Variants in AKAP1 observed in about 807,000 individuals in gnomAD.
The protein encoded by AKAP1 is A-kinase anchor protein 1, mitochondrial.
Under a neutral mutation model 79.8 loss-of-function variants are expected in AKAP1, and 32 were observed. That is an observed-to-expected ratio of 0.40 (90% confidence interval 0.30 to 0.54). The LOEUF (loss-of-function observed/expected upper bound fraction) is 0.54, where lower values mean the gene tolerates loss of function less well. Among genes scored for constraint, AKAP1 ranks in the 20% least tolerant of loss-of-function variants. The probability of loss-of-function intolerance (pLI) is 0.47; values close to 1 mark genes in which losing one functional copy is unlikely to be tolerated. For synonymous variants in AKAP1, 416 were observed against 466.7 expected, an observed-to-expected ratio of 0.89 and a Z score of 1.40; for missense variants, 961 against 1,138.9, an observed-to-expected ratio of 0.84 and a Z score of 2.25.
At chr17:57,102,908 C>T (rs1307603660) in intron 1 of AKAP1, among the ~76,000 whole-genome samples, 3 of 152,086 alleles carry the variant, frequency 2.0e-5, no homozygotes, top group Non-Finnish European at 4.4e-5. Flanking sequence ...GGCGAAACCC[C>T]GTCTCTACCA....
At position 57,086,467 on chromosome 17, in the gene AKAP1, T is replaced by A. The variant is rs10445348; in HGVS notation, c.-25+1069T>A. On this transcript the variant is annotated intron_variant, in intron 1 of 10. Coordinates refer to ENST00000337714, the MANE Select transcript of AKAP1 (RefSeq NM_003488.4). The surrounding 1 kb of genome is among the most constrained non-coding windows in gnomAD (Gnocchi z 5.1). ...CCCTGGGCGTTTCGGGATCTTCCTC[T>A]CCTGGGGGATGTCCTGGGTGGCGGC... is the stretch of plus-strand genomic sequence containing the variant. 0.029 allele frequency: 13,233 copies of A among 455,992 alleles called. 252 individuals carry two copies. Among genetic ancestry groups the A allele is most frequent in the Middle Eastern group, 0.056 (171 of 3,064 alleles). 28.2% of individuals were successfully genotyped at this position (455,992 alleles called of 1,614,324 possible).
intron 1 of AKAP1, chr17:57,093,749 C>T (rs1913920328): frequency 6.6e-6 from 1 of 152,100 alleles, no homozygotes; most frequent in African/African-American, 2.4e-5. Flanking sequence ...CTTGAAAGGA[C>T]AGTCCTTTGC....
intron 1 of AKAP1, among the ~76,000 whole-genome samples, chr17:57,088,936 G>A (rs1167815469): frequency 6.6e-6 from 1 of 152,184 alleles, no homozygotes; most frequent in African/African-American, 2.4e-5. Flanking sequence ...CTAAGGCCCA[G>A]TTGCACTTGG....
At position 57,116,323 on chromosome 17, in the gene AKAP1, G is replaced by A. The variant is rs887128767; in HGVS notation, c.2432+62G>A. 32 of 1,598,618 alleles carry A rather than the reference G, an allele frequency of 2.0e-5. No homozygotes were observed. The Admixed American group carries it at 2.3e-4, about 12-fold the overall frequency. Reference sequence around the variant, plus strand: ...TTGTTCTGGGATGCGTGATCTCTGCGTGGCTGGCTCAGTTGTGCCAGGGCT... The same window carrying A: ...TTGTTCTGGGATGCGTGATCTCTGCATGGCTGGCTCAGTTGTGCCAGGGCT... On this transcript the variant is annotated intron_variant, in intron 7 of 10. Coordinates refer to ENST00000337714, the MANE Select transcript of AKAP1 (RefSeq NM_003488.4).
At position 57,105,580 on chromosome 17, in the gene AKAP1, A is replaced by C. The variant is rs1348736428; in HGVS notation, c.116A>C (p.Gln39Pro). The C allele has an allele frequency of 1.2e-6, 2 of 1,614,018 alleles. No individual in the cohort carries two copies. The highest frequency in any genetic ancestry group is 1.7e-6 in the Non-Finnish European group (2 of 1,180,030). ...GGCCATGTCAGCAGCCATGATGAGCAGCAGGTGGAGGCTGGTGCTGTGCAG... is the reference window on the plus strand; with the variant it reads ...GGCCATGTCAGCAGCCATGATGAGCCGCAGGTGGAGGCTGGTGCTGTGCAG... ...KKGHVSSHDE[Q>P]QVEAGAVQLR... Residue 39 changes from glutamine (Q) to proline (P), a missense_variant, in exon 2 of 11, where the codon CAG becomes CCG. Physicochemically the swap from Gln to Pro is moderately conservative, Grantham distance 76. Around this residue, in one of 3 missense-constraint regions of AKAP1, gnomAD observed 108 missense variants for 147.6 expected, o/e 0.73. Transcript: ENST00000337714.
rs777602079 is a variant in AKAP1, at chr17:57,112,659, C to T, written c.2103+41C>T. The stretch of plus-strand genomic sequence containing the variant: ...GGTGATCCGGACTTCTTGCCACTTT[C>T]CCCCAAACCTACCCCAAACAAGAAA... On this transcript the variant is annotated intron_variant, in intron 5 of 10. Coordinates refer to ENST00000337714, the MANE Select transcript of AKAP1 (RefSeq NM_003488.4). 7.0e-6 allele frequency: 11 copies of T among 1,565,504 alleles called. No individual in the cohort carries two copies. The Admixed American group carries it at 7.6e-5, about 11-fold the overall frequency.
In AKAP1 at chr17:57,110,112, A is replaced by G. The variant is rs1324709126; in HGVS notation, c.1802A>G (p.Asn601Ser). Residue 601 changes from asparagine to serine, a missense_variant, in exon 3 of 11, where the codon AAC (asparagine) becomes AGC (serine). By Grantham distance (46) the Asn-to-Ser change is conservative. Coordinates refer to ENST00000337714, the MANE Select transcript of AKAP1 (RefSeq NM_003488.4). The part of the protein sequence containing the change: ...ESFQNAQAGS[N>S]PKKVDLIIWE... ...TTCCAAAATGCCCAGGCAGGCTCCA[A>G]CCCTAAGAAGGTCGACCTCATCATC... 1.9e-6 allele frequency: 3 copies of G among 1,614,120 alleles called. No homozygotes were observed. The highest frequency in any genetic ancestry group is 1.3e-5 in the African/African-American group (1 of 75,044).
intron 7 of AKAP1, 32 bp from the exon 8 acceptor site, chr17:57,116,828 A>G: frequency 6.2e-7 from 1 of 1,603,756 alleles, no homozygotes; most frequent in Non-Finnish European, 8.5e-7. Context: ...CTTCATGTCC[A>G]CATTAAACTT....
intron 1 of AKAP1, among the ~76,000 whole-genome samples, chr17:57,102,111 A>T (rs553353496): frequency 6.6e-6 from 1 of 152,248 alleles, no homozygotes; most frequent in African/African-American, 2.4e-5. Flanking sequence ...TTTTGAAAAA[A>T]AATTTTTTAA....
In AKAP1 at chr17:57,106,832, ACAC is replaced by A; in HGVS notation, c.1372_1374del (p.His458del). On this transcript the variant is annotated inframe_deletion, in exon 2 of 11. Transcript: ENST00000337714. ...AGGACAGTAAGCCAAATATCTCTGC[ACAC>A]CACATCTCCCTGGCCTCCTGCCTGG... 1 of 1,614,142 alleles carries A rather than the reference ACAC, an allele frequency of 6.2e-7. No individual in the cohort carries two copies. The highest frequency in any genetic ancestry group is 8.5e-7 in the Non-Finnish European group (1 of 1,180,026).
At position 57,116,107 on chromosome 17, in the gene AKAP1, G is replaced by T; in HGVS notation, c.2282-4G>T. The T allele has an allele frequency of 6.2e-7, 1 of 1,611,970 alleles. No individual in the cohort carries two copies. Among genetic ancestry groups the T allele is most frequent in the Middle Eastern group, 1.7e-4 (1 of 6,058 alleles). The stretch of plus-strand genomic sequence containing the variant: ...TTCCACGCACTCTGCTCCCTACCCT[G>T]CAGTAACGGTCATCTGTGCCGCCCC... On this transcript the variant is annotated splice_region_variant and splice_polypyrimidine_tract_variant and intron_variant, in intron 6 of 10. Transcript: ENST00000337714.
At chr17:57,098,977 C>T (rs1914308813) in intron 1 of AKAP1, among the ~76,000 whole-genome samples, 1 of 151,280 alleles carries the variant, frequency 6.6e-6, no homozygotes, top group African/African-American at 2.4e-5. Context: ...ACTGTATTAG[C>T]CAGGATGGTC....
At chr17:57,107,832 C>T in intron 2 of AKAP1, 1 of 542,192 alleles carries the variant, frequency 1.8e-6, no homozygotes, top group South Asian at 1.6e-5. Flanking sequence ...GAAGCTCTTA[C>T]AGGGTAAGTG....
intron 1 of AKAP1, among the ~76,000 whole-genome samples, chr17:57,099,288 CTG>C (rs59289295): frequency 0.093 from 14,156 of 152,246 alleles, 762 homozygotes; most frequent in Non-Finnish European, 0.11. Flanking sequence ...CTGGTAATCT[CTG>C]TTCTCAAGTG....
intron 2 of AKAP1, chr17:57,107,865 G>C: frequency 2.1e-6 from 2 of 931,558 alleles, no homozygotes; most frequent in South Asian, 2.7e-5. Flanking sequence ...CCACAGCTTT[G>C]AATACTTGTG....
At chr17:57,094,729 G>C (rs539653847) in intron 1 of AKAP1, 1 of 150,786 alleles carries the variant, frequency 6.6e-6, no homozygotes, top group Non-Finnish European at 1.5e-5. Context: ...TCCCACCTCA[G>C]CCTGCTCAGT....
At chr17:57,104,893 A>G (rs1914744821) in intron 1 of AKAP1, among the ~76,000 whole-genome samples, 1 of 152,230 alleles carries the variant, frequency 6.6e-6, no homozygotes, top group East Asian at 1.9e-4. Context: ...ACCCTGGAGC[A>G]TCTCCTTAGC....
chr17:57,106,089 G>T lies in AKAP1; in HGVS notation c.625G>T (p.Val209Leu). 1 of 1,606,318 alleles carries T rather than the reference G, an allele frequency of 6.2e-7. No homozygotes were observed. Among genetic ancestry groups the T allele is most frequent in the Non-Finnish European group, 8.5e-7 (1 of 1,175,526 alleles). ...TGGAEGTGDA[V>L]LGEKVLEEAL... ...TGGGGCCGAAGGGACTGGTGATGCC[G>T]TGTTGGGGGAAAAGGTGCTTGAAGA... The change falls in exon 2 of 11, where the codon GTG (valine) becomes TTG (leucine). Residue 209 changes from valine to leucine, a missense_variant. By Grantham distance (32) the Val-to-Leu change is conservative (BLOSUM62 1). Coordinates refer to ENST00000337714, the MANE Select transcript of AKAP1 (RefSeq NM_003488.4).
At chr17:57,109,163 C>T (rs1168557205) in intron 2 of AKAP1, among the ~76,000 whole-genome samples, 1 of 152,194 alleles carries the variant, frequency 6.6e-6, no homozygotes, top group African/African-American at 2.4e-5. Context: ...TTGGTAGACT[C>T]TCAGGAGTGA....
Sources: allele counts gnomAD v4.1 joint callset (sites outside exome capture counted in the v4.1 genomes callset), GRCh38; gene constraint gnomAD v4.1.1; regional missense constraint gnomAD v4.1.1; non-coding constraint Gnocchi (gnomAD v3.1); transcripts MANE v1.5; gene names NCBI Gene and HGNC (gene_info 2026-07-23, HGNC 2026-07-21).